The following RCAN2 variants were observed in gnomAD, a reference collection of about 807,000 sequenced individuals.
The protein encoded by RCAN2 is calcipressin-2.
A neutral mutation model predicts 23.6 loss-of-function variants in RCAN2; 9 were observed. The ratio of observed to expected loss-of-function variants is 0.38; its 90% CI spans 0.23 to 0.67. RCAN2 has a LOEUF of 0.67. Among genes scored for constraint, RCAN2 ranks in the 30% least tolerant of loss-of-function variants. The probability of loss-of-function intolerance (pLI) is 0.51; values close to 1 mark genes in which losing one functional copy is unlikely to be tolerated. For missense variants in RCAN2, 273 were observed against 302.3 expected (o/e 0.90, Z 0.72); for synonymous variants, 109 against 115.7 (o/e 0.94, Z 0.37).
intron 1 of RCAN2, among the ~76,000 whole-genome samples, chr6:46,465,086 A>G (rs933324187): frequency 3.9e-5 from 6 of 152,166 alleles, no homozygotes; most frequent in African/African-American, 1.4e-4. Flanking sequence ...CAGATGGGAC[A>G]AGCAAATAGG....
intron 2 of RCAN2, among the ~76,000 whole-genome samples, chr6:46,394,657 C>T (rs1198218173): frequency 6.6e-6 from 1 of 152,082 alleles, no homozygotes; most frequent in Non-Finnish European, 1.5e-5. Context: ...AGGCCTTTTG[C>T]TTTTACCCTC....
At chr6:46,271,658 A>G (rs1341670614) in intron 2 of RCAN2, among the ~76,000 whole-genome samples, 1 of 152,218 alleles carries the variant, frequency 6.6e-6, no homozygotes, top group Non-Finnish European at 1.5e-5. Context: ...AAATTAGATA[A>G]CAGGATACTT....
intron 2 of RCAN2, among the ~76,000 whole-genome samples, chr6:46,295,670 T>C (rs939449466): frequency 6.6e-6 from 1 of 152,010 alleles, no homozygotes; most frequent in East Asian, 1.9e-4. Flanking sequence ...TTAAAGACCC[T>C]GAACACTTAA....
chr6:46,446,923 G>T (rs1239428954), intron 2 of RCAN2, among the ~76,000 whole-genome samples: 2 of 151,946 alleles, frequency 1.3e-5, no homozygotes, highest in Non-Finnish European at 2.9e-5. Context: ...GAGAAAGAAA[G>T]GAACAACAGA....
chr6:46,373,172 T>C (rs1016938941), intron 2 of RCAN2, among the ~76,000 whole-genome samples: 1 of 152,250 alleles, frequency 6.6e-6, no homozygotes, highest in African/African-American at 2.4e-5. Context: ...TGTTTTATTA[T>C]AAGTTCAGTT....
Position 46,233,496 on chromosome 6 carries a change from A to G in RCAN2, c.572-10195T>C, listed in dbSNP as rs547291710. The stretch of plus-strand genomic sequence containing the variant: ...TGAGGAAAGGGGGATGGCCTCTGTC[A>G]TCCTCAAATGAGGAATAGAAAGGAA... On this transcript the variant is annotated intron_variant, in intron 4 of 4. Transcript: ENST00000371374. Among the ~76,000 whole-genome samples, 19 of 152,242 alleles carry G rather than the reference A, an allele frequency of 1.2e-4. No individual in the cohort carries two copies. In the East Asian group the frequency reaches 3.7e-3, roughly 29 times the overall value.
intron 4 of RCAN2, among the ~76,000 whole-genome samples, chr6:46,239,692 G>C (rs970147481): frequency 2.0e-5 from 3 of 152,178 alleles, no homozygotes; most frequent in African/African-American, 7.2e-5. Flanking sequence ...GGGAGGATGA[G>C]AGTGAGCAAG....
chr6:46,296,857 T>G lies in RCAN2; in HGVS notation c.226-47961A>C, dbSNP rs187525486. On this transcript the variant is annotated intron_variant, in intron 2 of 4. Coordinates refer to ENST00000371374, the MANE Select transcript of RCAN2 (RefSeq NM_001251974.2). ...GTTAAAAAAATCTGTAAATCTCTTC[T>G]GCTACCAGTTTCTGCTTTTAATGGA... Among the ~76,000 whole-genome samples, 835 of 152,246 alleles carry G rather than the reference T, an allele frequency of 5.5e-3. 5 individuals are homozygous for G. Among genetic ancestry groups the G allele is most frequent in the African/African-American group, 0.019 (770 of 41,566 alleles).
At chr6:46,228,288 G>T (rs1335763683) in intron 4 of RCAN2, among the ~76,000 whole-genome samples, 3 of 152,272 alleles carry the variant, frequency 2.0e-5, no homozygotes. Context: ...ATGTCTATTA[G>T]GTCTGCTTGG....
chr6:46,296,093 GTGTGTGTGTGTC>G (rs1160146933), intron 2 of RCAN2, among the ~76,000 whole-genome samples: 4 of 150,514 alleles, frequency 2.7e-5, no homozygotes, highest in Non-Finnish European at 5.9e-5. Context: ...GTGTGTGTGT[GTGTGTGTGTGTC>G]TGTGTGTGTG....
At chr6:46,343,070 C>G (rs1019806234) in intron 2 of RCAN2, among the ~76,000 whole-genome samples, 2 of 152,068 alleles carry the variant, frequency 1.3e-5, no homozygotes, top group Non-Finnish European at 2.9e-5. Context: ...ACTCATCAAA[C>G]TTCATGATAA....
intron 4 of RCAN2, among the ~76,000 whole-genome samples, chr6:46,223,508 C>CA (rs1426838936): frequency 6.6e-6 from 1 of 152,076 alleles, no homozygotes; most frequent in African/African-American, 2.4e-5. Context: ...TGTGCAACCC[C>CA]AAACAAGCCA....
Position 46,289,876 on chromosome 6 carries a change from T to C in RCAN2, c.226-40980A>G, listed in dbSNP as rs532564922. ...CCTCCTTTGCAGTTAGGTATTACCATAGTACTAAGTTTGTGCCACTGAAAT... is the reference window on the plus strand; with the variant it reads ...CCTCCTTTGCAGTTAGGTATTACCACAGTACTAAGTTTGTGCCACTGAAAT... On this transcript the variant is annotated intron_variant, in intron 2 of 4. Transcript: ENST00000371374. Among the ~76,000 whole-genome samples the C allele has an allele frequency of 3.9e-5, 6 of 152,284 alleles. No homozygotes were observed. The South Asian group carries it at 1.0e-3, about 26-fold the overall frequency.
chr6:46,258,094 T>C (rs1002691329), intron 2 of RCAN2, among the ~76,000 whole-genome samples: 11 of 152,248 alleles, frequency 7.2e-5, no homozygotes, highest in African/African-American at 1.2e-4. Flanking sequence ...TTGGCATCTC[T>C]CAAAATCACA....
intron 2 of RCAN2, among the ~76,000 whole-genome samples, chr6:46,415,872 C>T (rs896255983): frequency 6.6e-6 from 1 of 152,140 alleles, no homozygotes; most frequent in Admixed American, 6.5e-5. Context: ...ATACTAAAAT[C>T]CATGGATACT....
intron 2 of RCAN2, among the ~76,000 whole-genome samples, chr6:46,348,320 C>T (rs1180363000): frequency 1.3e-5 from 2 of 152,138 alleles, no homozygotes; most frequent in South Asian, 2.1e-4. Flanking sequence ...TTATACATGT[C>T]CTCTGTTCTT....
chr6:46,381,113 C>G (rs550919513), intron 2 of RCAN2, among the ~76,000 whole-genome samples: 40 of 152,290 alleles, frequency 2.6e-4, no homozygotes, highest in African/African-American at 9.4e-4. Context: ...AAGACTGACA[C>G]ATTCCGTGAA....
intron 2 of RCAN2, among the ~76,000 whole-genome samples, chr6:46,304,204 G>A (rs946166497): frequency 6.6e-6 from 1 of 152,002 alleles, no homozygotes; most frequent in African/African-American, 2.4e-5. Flanking sequence ...AATAGTTCTT[G>A]CCATTTGGAT....
intron 2 of RCAN2, among the ~76,000 whole-genome samples, chr6:46,282,095 T>C (rs1582061636): frequency 6.6e-6 from 1 of 152,194 alleles, no homozygotes; most frequent in East Asian, 1.9e-4. Flanking sequence ...TTAAAATGTT[T>C]TAATTGCATA....
Sources: allele counts gnomAD v4.1 joint callset (sites outside exome capture counted in the v4.1 genomes callset), GRCh38; gene constraint gnomAD v4.1.1; transcripts MANE v1.5; gene names NCBI Gene and HGNC (gene_info 2026-07-23, HGNC 2026-07-21).